Variants in PRELID2 observed in about 807,000 individuals in gnomAD.
PRELID2 encodes PRELI domain containing 2, also known as PRELI domain-containing protein 2.
A neutral mutation model predicts 28.4 loss-of-function variants in PRELID2; 25 were observed. The observed-to-expected ratio is 0.88, with a 90% confidence interval of 0.64 to 1.23. The LOEUF (loss-of-function observed/expected upper bound fraction) is 1.23, where lower values mean the gene tolerates loss of function less well. Ranked by LOEUF, PRELID2 falls within the 50% of genes most tolerant of loss-of-function variation. The probability of loss-of-function intolerance (pLI) is 0.00; values close to 1 mark genes in which losing one functional copy is unlikely to be tolerated. For missense variants in PRELID2, 201 were observed against 214.4 expected (o/e 0.94, Z 0.39); for synonymous variants, 76 against 71.6 (o/e 1.06, Z -0.31).
chr5:145,689,986 CTTTT>C (rs749912789), intron 1 of PRELID2, among the ~76,000 whole-genome samples: 3 of 114,888 alleles, frequency 2.6e-5, no homozygotes, highest in African/African-American at 6.6e-5. Flanking sequence ...CTGTGGGGGT[CTTTT>C]TTTTTTTTTT....
intron 1 of PRELID2, among the ~76,000 whole-genome samples, chr5:145,538,202 C>G (rs983056703): frequency 2.6e-5 from 4 of 151,638 alleles, no homozygotes; most frequent in Non-Finnish European, 5.9e-5. Context: ...CCACTATGTC[C>G]TTATGTCCTT....
intron 1 of PRELID2, among the ~76,000 whole-genome samples, chr5:145,626,831 G>T (rs1325585707): frequency 6.6e-6 from 1 of 152,068 alleles, no homozygotes. Flanking sequence ...AGATGCGGTG[G>T]CTCACGCCTG....
intron 1 of PRELID2, among the ~76,000 whole-genome samples, chr5:145,724,285 T>C (rs1221477729): frequency 6.6e-6 from 1 of 151,820 alleles, no homozygotes; most frequent in Non-Finnish European, 1.5e-5. Context: ...CAAAAAATTA[T>C]GATCATAAAA....
the PRELID2 span, among the ~76,000 whole-genome samples, chr5:145,294,625 GT>G: frequency 6.6e-6 from 1 of 152,054 alleles, no homozygotes; most frequent in African/African-American, 2.4e-5. Flanking sequence ...GTTTGTCATT[GT>G]TTGTAAATAC....
chr5:145,243,902 T>C, the PRELID2 span, among the ~76,000 whole-genome samples: 3 of 152,110 alleles, frequency 2.0e-5, no homozygotes, highest in Non-Finnish European at 4.4e-5. Context: ...CTGTCATATT[T>C]ACTTCCTCAG....
intron 1 of PRELID2, among the ~76,000 whole-genome samples, chr5:145,612,934 G>A (rs373059780): frequency 2.0e-5 from 3 of 152,122 alleles, no homozygotes; most frequent in African/African-American, 4.8e-5. Flanking sequence ...TATCTTTTTC[G>A]AGTAATGACT....
intron 1 of PRELID2, among the ~76,000 whole-genome samples, chr5:145,549,279 G>A (rs538484746): frequency 6.6e-6 from 1 of 152,188 alleles, no homozygotes; most frequent in Non-Finnish European, 1.5e-5. Flanking sequence ...CTACCTCTTA[G>A]GATAGTTTCT....
intron 1 of PRELID2, among the ~76,000 whole-genome samples, chr5:145,726,327 G>A (rs185527214): frequency 7.5e-6 from 1 of 132,620 alleles, no homozygotes; most frequent in Admixed American, 7.3e-5. Context: ...GAGAAAGAGA[G>A]AAAGAGAAAG....
At position 145,641,089 on chromosome 5, in the gene PRELID2, G is replaced by T. The variant is rs117558044; in HGVS notation, n.70+123842C>A. Among the ~76,000 whole-genome samples the T allele has an allele frequency of 1.2e-4, 18 of 152,234 alleles. No homozygotes were observed. The East Asian group carries it at 3.3e-3, about 28-fold the overall frequency. On this transcript the variant is annotated intron_variant and non_coding_transcript_variant, in intron 1 of 2. Coordinates refer to the PRELID2 transcript ENST00000510259. ...AGAGCAATACACTTACAATATTGGG[G>T]TAGAAAAGGATTTGTTTAAATAATG...
At chr5:145,771,782 G>C (rs932513602) in intron 5 of PRELID2, among the ~76,000 whole-genome samples, 3 of 152,052 alleles carry the variant, frequency 2.0e-5, no homozygotes, top group African/African-American at 7.3e-5. Flanking sequence ...TTGAACGTGG[G>C]AGGCGAAGAT....
the PRELID2 span, among the ~76,000 whole-genome samples, chr5:145,300,376 C>T: frequency 6.6e-6 from 1 of 152,064 alleles, no homozygotes; most frequent in Non-Finnish European, 1.5e-5. Context: ...CTCATTCCTA[C>T]TCCATTAGTA....
chr5:145,827,512 C>G (rs1322393854), intron 1 of PRELID2, among the ~76,000 whole-genome samples: 1 of 152,160 alleles, frequency 6.6e-6, no homozygotes, highest in Non-Finnish European at 1.5e-5. Flanking sequence ...GATGAACCAC[C>G]AGGTGATCAT....
chr5:145,407,405 C>T, the PRELID2 span, among the ~76,000 whole-genome samples: 1 of 152,148 alleles, frequency 6.6e-6, no homozygotes, highest in African/African-American at 2.4e-5. Flanking sequence ...GGGAACATAA[C>T]TCCATTGACA....
chr5:145,697,076 T>TACAC (rs1359786700), intron 1 of PRELID2, among the ~76,000 whole-genome samples: 13 of 110,452 alleles, frequency 1.2e-4, no homozygotes, highest in African/African-American at 4.8e-4. Flanking sequence ...TATATATATA[T>TACAC]ATATACACAC....
At chr5:145,557,322 G>A (rs1752888617) in intron 1 of PRELID2, among the ~76,000 whole-genome samples, 1 of 152,218 alleles carries the variant, frequency 6.6e-6, no homozygotes, top group African/African-American at 2.4e-5. Context: ...TATGAATGAG[G>A]TAGAGACAAC....
chr5:145,492,450 T>G (rs1752277947), intron 1 of PRELID2, among the ~76,000 whole-genome samples: 1 of 139,748 alleles, frequency 7.2e-6, no homozygotes, highest in Non-Finnish European at 1.6e-5. Context: ...TTGCAAATAT[T>G]TTCTCCATTC....
At chr5:145,537,947 C>A (rs547908546) in intron 1 of PRELID2, among the ~76,000 whole-genome samples, 9 of 151,962 alleles carry the variant, frequency 5.9e-5, no homozygotes, top group African/African-American at 1.9e-4. Context: ...CCTATGTTTT[C>A]TTCCAGGAAT....
At chr5:145,816,808 A>C (rs1487089078) in intron 4 of PRELID2, among the ~76,000 whole-genome samples, 1 of 152,188 alleles carries the variant, frequency 6.6e-6, no homozygotes, top group African/African-American at 2.4e-5. Context: ...AGAACTATAC[A>C]CTAAGAAAAG....
At chr5:145,324,894 T>C in the PRELID2 span, among the ~76,000 whole-genome samples, 1 of 152,096 alleles carries the variant, frequency 6.6e-6, no homozygotes, top group Non-Finnish European at 1.5e-5. Context: ...AAAGGAATAA[T>C]TAGGGAAAGC....
Sources: gnomAD v4.1 joint callset for allele counts (sites outside exome capture counted in the v4.1 genomes callset) on GRCh38, gnomAD v4.1.1 for gene constraint, MANE v1.5 for transcripts, NCBI Gene and HGNC (gene_info 2026-07-23, HGNC 2026-07-21) for gene names.